LRGUK: variants seen among roughly 807,000 people sequenced by gnomAD.
The protein encoded by LRGUK is leucine rich repeats and guanylate kinase domain containing.
LRGUK carries 65 observed loss-of-function variants against 76.0 expected under a neutral mutation model. That is an observed-to-expected ratio of 0.85 (90% CI 0.70 to 1.05). The LOEUF is 1.05. LRGUK is among the 50% of genes least tolerant of loss of function. The pLI, the probability that LRGUK is intolerant of heterozygous loss-of-function variation, is 0.00. For synonymous variants in LRGUK, 268 were observed against 265.6 expected (o/e 1.01, Z -0.09); for missense variants, 758 against 732.8 (o/e 1.03, Z -0.40).
At position 134,232,642 on chromosome 7, in the gene LRGUK, A is replaced by G. The variant is rs760827075; in HGVS notation, c.1983+10724A>G. 6.9e-4 allele frequency among the ~76,000 whole-genome samples: 105 copies of G among 152,336 alleles called. 1 individual carries two copies. Among genetic ancestry groups the G allele is most frequent in the Admixed American group, 3.3e-3 (50 of 15,304 alleles). On this transcript the variant is annotated intron_variant, in intron 16 of 19. Coordinates refer to the LRGUK transcript ENST00000285928. Reference sequence around the variant, plus strand: ...AGAACCTAAATAATTTGTCTTTGTTAGGAAGAAATGCCCAAGAATATTATT... The same window carrying G: ...AGAACCTAAATAATTTGTCTTTGTTGGGAAGAAATGCCCAAGAATATTATT...
chr7:134,192,167 A>T (rs996540525), intron 12 of LRGUK, among the ~76,000 whole-genome samples: 8 of 152,198 alleles, frequency 5.3e-5, no homozygotes, highest in African/African-American at 1.9e-4. Context: ...TCCAGAAAGT[A>T]GTCTTTCTGT....
chr7:134,259,148 G>A (rs971472745), intron 19 of LRGUK, among the ~76,000 whole-genome samples: 14 of 152,150 alleles, frequency 9.2e-5, no homozygotes, highest in African/African-American at 2.9e-4. Flanking sequence ...GCCCAGCCCC[G>A]CTTCACCTCC....
intron 16 of LRGUK, among the ~76,000 whole-genome samples, chr7:134,229,342 G>A (rs1034058463): frequency 1.3e-5 from 2 of 150,796 alleles, no homozygotes; most frequent in Admixed American, 1.3e-4. Flanking sequence ...CAGCCTGGGT[G>A]ACAGAGGGAG....
At chr7:134,224,112 TG>T (rs1801672623) in intron 16 of LRGUK, among the ~76,000 whole-genome samples, 1 of 152,210 alleles carries the variant, frequency 6.6e-6, no homozygotes, top group African/African-American at 2.4e-5. Flanking sequence ...CCAGCCTTCT[TG>T]GATGGTGTGG....
At chr7:134,140,266 G>A (rs1194938520) in intron 3 of LRGUK, among the ~76,000 whole-genome samples, 1 of 152,088 alleles carries the variant, frequency 6.6e-6, no homozygotes, top group South Asian at 2.1e-4. Context: ...CACTGTGCCC[G>A]GGCCTACATT....
intron 18 of LRGUK, among the ~76,000 whole-genome samples, chr7:134,256,503 G>T (rs1802589062): frequency 6.6e-6 from 1 of 150,580 alleles, no homozygotes; most frequent in Admixed American, 6.6e-5. Flanking sequence ...TCTTTTTCCG[G>T]TTAGTTTTCC....
chr7:134,231,202 G>A (rs1408755551), intron 16 of LRGUK, among the ~76,000 whole-genome samples: 1 of 152,154 alleles, frequency 6.6e-6, no homozygotes, highest in Non-Finnish European at 1.5e-5. Context: ...ACATTAGGGG[G>A]AGACCCAGCT....
intron 16 of LRGUK, among the ~76,000 whole-genome samples, chr7:134,227,578 G>T (rs1801795073): frequency 1.3e-5 from 2 of 152,166 alleles, no homozygotes; most frequent in South Asian, 4.1e-4. Context: ...AGAGCCTTCA[G>T]ATTTTGGCAG....
rs550312730 is a variant in LRGUK at position 134,235,276 on chromosome 7, C to T, written c.1984-12280C>T. On this transcript the variant is annotated intron_variant, in intron 16 of 19. Coordinates refer to the LRGUK transcript ENST00000285928. ...CTCATTCCTACTACTCCTCTTCCTA[C>T]CTCAGCTCCACTGACACTGGCAAGT... Among the ~76,000 whole-genome samples the T allele has an allele frequency of 1.4e-4, 22 of 152,340 alleles. No individual in the cohort carries two copies. In the South Asian group the frequency reaches 3.9e-3, roughly 27 times the overall value.
Position 134,174,634 on chromosome 7 carries a change from C to T in LRGUK, c.1018C>T (p.Gln340Ter). The T allele has an allele frequency of 6.5e-7, 1 of 1,550,386 alleles. No homozygotes were observed. Among genetic ancestry groups the T allele is most frequent in the Non-Finnish European group, 8.9e-7 (1 of 1,122,482 alleles). ...TCTCAATCTTCTAGAAAATCCAATT[C>T]AGGTGAGACATTATTTATATCAGGG... is the stretch of plus-strand genomic sequence containing the variant. The change falls in exon 8 of 16, where the codon CAG becomes TAG. Residue 340 changes from glutamine to a stop codon, truncating the protein, a stop_gained and splice_region_variant. Transcript: ENST00000645682. LOFTEE classifies it high-confidence loss of function.
At chr7:134,199,298 G>A (rs1177532814) in exon 14 of LRGUK, 1 of 1,613,556 alleles carries the variant, frequency 6.2e-7, no homozygotes, top group East Asian at 2.2e-5. Flanking sequence ...AAAATATGAG[G>A]GATATTTGCG....
chr7:134,157,028 A>G (rs1798492558), intron 5 of LRGUK, among the ~76,000 whole-genome samples: 1 of 152,218 alleles, frequency 6.6e-6, no homozygotes, highest in South Asian at 2.1e-4. Flanking sequence ...AAAGAGATTG[A>G]GAACAGAGAG....
intron 16 of LRGUK, among the ~76,000 whole-genome samples, chr7:134,235,314 A>T (rs557504943): frequency 1.3e-5 from 2 of 152,212 alleles, no homozygotes; most frequent in East Asian, 3.9e-4. Flanking sequence ...TTGTACCTCT[A>T]ACCCACCAGC....
chr7:134,244,861 A>G (rs1585596292), intron 16 of LRGUK, among the ~76,000 whole-genome samples: 3 of 152,290 alleles, frequency 2.0e-5, no homozygotes, highest in Admixed American at 6.5e-5. Flanking sequence ...CACCACGAAT[A>G]CTACGCAGCC....
intron 16 of LRGUK, among the ~76,000 whole-genome samples, chr7:134,241,350 G>A (rs979360720): frequency 9.9e-5 from 15 of 152,234 alleles, no homozygotes; most frequent in Non-Finnish European, 1.6e-4. Flanking sequence ...ATAAAGGGAT[G>A]GAGGAAGATC....
At chr7:134,170,927 C>T (rs1438908967) in intron 7 of LRGUK, among the ~76,000 whole-genome samples, 2 of 152,064 alleles carry the variant, frequency 1.3e-5, no homozygotes, top group Non-Finnish European at 2.9e-5. Flanking sequence ...GTAATGCACT[C>T]ACCATCATCA....
intron 11 of LRGUK, 30 bp from the exon 12 acceptor site, chr7:134,191,625 T>A: frequency 1.4e-6 from 2 of 1,389,048 alleles, no homozygotes; most frequent in Non-Finnish European, 2.0e-6. Flanking sequence ...AAGTTAGAAA[T>A]GGACTAGGTG....
At chr7:134,245,538 C>T (rs1487416413) in intron 16 of LRGUK, among the ~76,000 whole-genome samples, 1 of 152,148 alleles carries the variant, frequency 6.6e-6, no homozygotes, top group Non-Finnish European at 1.5e-5. Flanking sequence ...TACCCTGTCA[C>T]CTGGTTTCGT....
chr7:134,134,508 G>A (rs1306234846), intron 1 of LRGUK, among the ~76,000 whole-genome samples: 2 of 152,196 alleles, frequency 1.3e-5, no homozygotes, highest in Non-Finnish European at 2.9e-5. Flanking sequence ...ATCAGGAGGT[G>A]TGAGGAGGTT....
Sources: allele counts gnomAD v4.1 joint callset (sites outside exome capture counted in the v4.1 genomes callset), GRCh38; gene constraint gnomAD v4.1.1; transcripts MANE v1.5; gene names NCBI Gene and HGNC (gene_info 2026-07-23, HGNC 2026-07-21).